Variants in LYRM4 observed in about 807,000 individuals in gnomAD.
LYRM4 encodes LYR motif containing 4, also known as LYR motif-containing protein 4.
A neutral mutation model predicts 11.7 loss-of-function variants in LYRM4; 9 were observed. The observed-to-expected ratio is 0.77, with a 90% CI of 0.46 to 1.34. The LOEUF (loss-of-function observed/expected upper bound fraction) is 1.34, where lower values mean the gene tolerates loss of function less well. LYRM4 is among the 40% of genes most tolerant of loss of function. The pLI, the probability that LYRM4 is intolerant of heterozygous loss-of-function variation, is 0.00. For missense variants in LYRM4, 133 were observed against 112.5 expected (o/e 1.18, Z -0.82); for synonymous variants, 42 against 40.4 (o/e 1.04, Z -0.15).
chr6:5,063,905 T>C, the LYRM4 span, among the ~76,000 whole-genome samples: 1 of 152,188 alleles, frequency 6.6e-6, no homozygotes, highest in Non-Finnish European at 1.5e-5. Context: ...AGGAACTGTC[T>C]GGGCACACTA....
chr6:5,074,135 G>C, the LYRM4 span, among the ~76,000 whole-genome samples: 1 of 152,184 alleles, frequency 6.6e-6, no homozygotes, highest in African/African-American at 2.4e-5. Flanking sequence ...CACTCCAACA[G>C]CCTCTTATAC....
chr6:5,212,321 G>A (rs1234626988), intron 2 of LYRM4, among the ~76,000 whole-genome samples: 1 of 152,228 alleles, frequency 6.6e-6, no homozygotes, highest in African/African-American at 2.4e-5. Context: ...GCAAAATGGA[G>A]CAAAGTACAA....
intron 1 of LYRM4, among the ~76,000 whole-genome samples, chr6:5,217,409 G>C (rs1346509814): frequency 1.3e-5 from 2 of 152,212 alleles, no homozygotes; most frequent in East Asian, 3.8e-4. Flanking sequence ...AGCAGTTCCA[G>C]AGCAAGGCTT....
the LYRM4 span, among the ~76,000 whole-genome samples, chr6:5,047,268 C>T: frequency 1.3e-5 from 2 of 152,212 alleles, 1 homozygote; most frequent in East Asian, 3.8e-4. Context: ...TAGATTTCCA[C>T]TATCAGTGCA....
chr6:5,105,957 T>C (rs1195860672), downstream of LYRM4: 1 of 152,464 alleles, frequency 6.6e-6, no homozygotes, highest in Non-Finnish European at 1.5e-5. Flanking sequence ...AGACTCCCTT[T>C]AGTTCTTTGC....
rs2127592574 is a variant in LYRM4, at chr6:5,109,115, G to A, written c.*308C>T. On this transcript the variant is annotated 3_prime_UTR_variant, in exon 3 of 3. Transcript: ENST00000330636. ...TTATTGCCAAGGACCAAGAAACAAA[G>A]TGTAGAAATGCTATACACAATGGTC... 8.7e-7 allele frequency: 1 copy of A among 1,154,454 alleles called. No individual in the cohort carries two copies. The highest frequency in any genetic ancestry group is 1.1e-6 in the Non-Finnish European group (1 of 933,226). The allele number at this position is 1,154,454 out of a possible 1,614,324, so 71.5% of individuals were successfully genotyped here.
In LYRM4 at chr6:5,206,972, A is replaced by C. The variant is rs557951817; in HGVS notation, c.207+9646T>G. Among the ~76,000 whole-genome samples, 3 of 152,352 alleles carry C rather than the reference A, an allele frequency of 2.0e-5. No individual in the cohort carries two copies. The South Asian group carries it at 6.2e-4, about 32-fold the overall frequency. On this transcript the variant is annotated intron_variant, in intron 2 of 2. Transcript: ENST00000330636. ...AGCTTGGCTCTGGTATTTCAAAAACACATTGAGTACAAAACTAGAATGGTG... is the reference window on the plus strand; with the variant it reads ...AGCTTGGCTCTGGTATTTCAAAAACCCATTGAGTACAAAACTAGAATGGTG...
chr6:5,154,052 C>G (rs1758244011), intron 2 of LYRM4, among the ~76,000 whole-genome samples: 1 of 151,894 alleles, frequency 6.6e-6, no homozygotes, highest in South Asian at 2.1e-4. Context: ...ATTTTTTTAC[C>G]TAAGTTATAG....
chr6:5,204,417 G>C (rs1317060847), intron 2 of LYRM4, among the ~76,000 whole-genome samples: 1 of 152,124 alleles, frequency 6.6e-6, no homozygotes. Flanking sequence ...TCACTGGTGT[G>C]AAAGAAAAGC....
At chr6:5,085,423 GAGTT>G in the LYRM4 span, 5 of 1,226,286 alleles carry the variant, frequency 4.1e-6, no homozygotes, top group Non-Finnish European at 5.6e-6. Context: ...ACGGCCCGAG[GAGTT>G]AGTTAAGTCT....
chr6:5,223,422 G>A (rs1262659728), intron 1 of LYRM4, among the ~76,000 whole-genome samples: 1 of 152,140 alleles, frequency 6.6e-6, no homozygotes, highest in African/African-American at 2.4e-5. Flanking sequence ...TCTCGTAAGT[G>A]GCAGAGCTGG....
At chr6:5,044,121 TTTTG>T in the LYRM4 span, among the ~76,000 whole-genome samples, 472 of 151,346 alleles carry the variant, frequency 3.1e-3, 2 homozygotes, top group African/African-American at 9.7e-3. Flanking sequence ...GTGGGGTTTT[TTTTG>T]TTTGTTTGTT....
chr6:5,173,484 GA>G (rs1376528029), intron 2 of LYRM4, among the ~76,000 whole-genome samples: 1 of 152,186 alleles, frequency 6.6e-6, no homozygotes, highest in Non-Finnish European at 1.5e-5. Flanking sequence ...AGAGTTCTAA[GA>G]ACAAATACCT....
chr6:5,208,687 G>A (rs534183971), intron 2 of LYRM4, among the ~76,000 whole-genome samples: 1 of 152,296 alleles, frequency 6.6e-6, no homozygotes, highest in African/African-American at 2.4e-5. Flanking sequence ...CCTTCCACAG[G>A]AACGCCAACT....
the LYRM4 span, among the ~76,000 whole-genome samples, chr6:5,063,337 G>C: frequency 6.6e-6 from 1 of 151,784 alleles, no homozygotes; most frequent in Non-Finnish European, 1.5e-5. Flanking sequence ...GGGAGGACCT[G>C]GTGCTCTTCT....
intron 2 of LYRM4, among the ~76,000 whole-genome samples, chr6:5,112,917 G>A (rs1246592366): frequency 6.6e-5 from 10 of 152,174 alleles, no homozygotes; most frequent in Admixed American, 4.6e-4. Flanking sequence ...GTGAGGGTGA[G>A]GATGGGGGTG....
chr6:5,057,585 G>GT, the LYRM4 span, among the ~76,000 whole-genome samples: 2 of 152,054 alleles, frequency 1.3e-5, no homozygotes, highest in Admixed American at 1.3e-4. Flanking sequence ...CAGGTATGAT[G>GT]GCGCCTGTAA....
In LYRM4 at chr6:5,128,258, T is replaced by A. The variant is rs145749104; in HGVS notation, c.208-18767A>T. ...AAATATTTTATAGAAGCTGCCATAG[T>A]GAAGAGGACTGCAGTGATGACATTT... is the stretch of plus-strand genomic sequence containing the variant. On this transcript the variant is annotated intron_variant, in intron 2 of 2. Transcript: ENST00000330636. Among the ~76,000 whole-genome samples, 461 of 152,314 alleles carry A rather than the reference T, an allele frequency of 3.0e-3. 4 individuals carry two copies. The highest frequency in any genetic ancestry group is 0.011 in the African/African-American group (444 of 41,578).
the LYRM4 span, among the ~76,000 whole-genome samples, chr6:5,057,611 A>G: frequency 1.3e-5 from 2 of 151,436 alleles, no homozygotes; most frequent in South Asian, 2.1e-4. Flanking sequence ...GCTACTCGGG[A>G]GGCTGAGGCA....
Sources: allele counts gnomAD v4.1 joint callset (sites outside exome capture counted in the v4.1 genomes callset), GRCh38; gene constraint gnomAD v4.1.1; transcripts MANE v1.5; gene names NCBI Gene and HGNC (gene_info 2026-07-23, HGNC 2026-07-21).